SH3GL2: variants seen among roughly 807,000 people sequenced by gnomAD.
SH3GL2 encodes the protein SH3 domain containing GRB2 like 2, endophilin A1, also known as endophilin-A1.
In SH3GL2, 24 loss-of-function variants were observed where a neutral mutation model predicts 46.0. That is an observed-to-expected ratio of 0.52 (90% confidence interval 0.38 to 0.73). The LOEUF is 0.73. Ranked by LOEUF, SH3GL2 falls within the 30% of genes least tolerant of loss-of-function variation. SH3GL2 has a pLI of 0.00. For synonymous variants in SH3GL2, 196 were observed against 147.1 expected (o/e 1.33, Z -2.40); for missense variants, 413 against 424.2 (o/e 0.97, Z 0.23).
At chr9:17,775,999 T>G (rs1823631902) in intron 3 of SH3GL2, among the ~76,000 whole-genome samples, 1 of 152,182 alleles carries the variant, frequency 6.6e-6, no homozygotes, top group Admixed American at 6.6e-5. Context: ...TTAAATCAGG[T>G]TGTAATTTTT....
At chr9:17,582,022 C>T (rs1329696793) in intron 1 of SH3GL2, among the ~76,000 whole-genome samples, 2 of 152,128 alleles carry the variant, frequency 1.3e-5, no homozygotes, top group African/African-American at 4.8e-5. Context: ...TTCACGCAAA[C>T]GTTTCTTTCT....
chr9:17,776,501 G>C (rs1365864299), intron 3 of SH3GL2, among the ~76,000 whole-genome samples: 1 of 152,018 alleles, frequency 6.6e-6, no homozygotes, highest in Non-Finnish European at 1.5e-5. Context: ...ACAACCTCAA[G>C]TCTGTCCTAT....
At chr9:17,739,730 C>T (rs973387750) in intron 1 of SH3GL2, among the ~76,000 whole-genome samples, 5 of 152,140 alleles carry the variant, frequency 3.3e-5, no homozygotes, top group Admixed American at 6.5e-5. Flanking sequence ...ACCATCTTTC[C>T]AGGAAGGAGC....
intron 1 of SH3GL2, among the ~76,000 whole-genome samples, chr9:17,615,707 A>G (rs1818978024): frequency 6.8e-6 from 1 of 146,850 alleles, no homozygotes; most frequent in Admixed American, 6.8e-5. Context: ...ATATGTGTTT[A>G]TTGTTAAAAA....
chr9:17,614,295 G>GAAAAAAAAAAAAAAAA (rs3084628), intron 1 of SH3GL2, among the ~76,000 whole-genome samples: 2 of 70,300 alleles, frequency 2.8e-5, no homozygotes, highest in African/African-American at 5.8e-5. Context: ...CATGGTTTCT[G>GAAAAAAAAAAAAAAAA]AAAAAAAAAA....
At chr9:17,614,780 A>G (rs77074579) in intron 1 of SH3GL2, among the ~76,000 whole-genome samples, 36,850 of 152,030 alleles carry the variant, frequency 0.24, 5,043 homozygotes, top group South Asian at 0.4. Flanking sequence ...CTTTTCTACC[A>G]AGTGAAGTTT....
intron 1 of SH3GL2, among the ~76,000 whole-genome samples, chr9:17,677,535 T>G (rs1490556135): frequency 1.3e-5 from 2 of 152,124 alleles, no homozygotes; most frequent in Non-Finnish European, 2.9e-5. Flanking sequence ...AATCTCTTTT[T>G]TTAAACTCAT....
intron 1 of SH3GL2, among the ~76,000 whole-genome samples, chr9:17,660,862 G>C (rs1046536031): frequency 3.9e-5 from 6 of 152,100 alleles, no homozygotes; most frequent in Non-Finnish European, 2.9e-5. Context: ...TTACAAAGTG[G>C]CTTAAAATTA....
At chr9:17,652,739 A>T (rs533296469) in intron 1 of SH3GL2, among the ~76,000 whole-genome samples, 42 of 152,320 alleles carry the variant, frequency 2.8e-4, no homozygotes, top group African/African-American at 8.9e-4. Context: ...CAGATTACAG[A>T]TGCTCAACCT....
chr9:17,642,151 T>C (rs1193340053), intron 1 of SH3GL2, among the ~76,000 whole-genome samples: 1 of 152,222 alleles, frequency 6.6e-6, no homozygotes, highest in Non-Finnish European at 1.5e-5. Flanking sequence ...GCTGCATAAA[T>C]GGCTTCTCTT....
At chr9:17,687,217 G>T (rs772876271) in intron 1 of SH3GL2, among the ~76,000 whole-genome samples, 6 of 151,924 alleles carry the variant, frequency 3.9e-5, no homozygotes, top group Non-Finnish European at 8.8e-5. Context: ...TAAATTTTGA[G>T]TTTTTTTCAA....
intron 1 of SH3GL2, among the ~76,000 whole-genome samples, chr9:17,682,348 G>C (rs1235267292): frequency 6.6e-6 from 1 of 152,166 alleles, no homozygotes; most frequent in Non-Finnish European, 1.5e-5. Flanking sequence ...AGCAAATGTG[G>C]TACATGTACA....
intron 3 of SH3GL2, among the ~76,000 whole-genome samples, chr9:17,765,475 G>T (rs1008767589): frequency 2.0e-5 from 3 of 152,198 alleles, no homozygotes; most frequent in Non-Finnish European, 4.4e-5. Flanking sequence ...GCTCTGTGAA[G>T]GTCCTACATC....
At chr9:17,695,058 G>A (rs1270550385) in intron 1 of SH3GL2, among the ~76,000 whole-genome samples, 3 of 151,980 alleles carry the variant, frequency 2.0e-5, no homozygotes, top group African/African-American at 7.2e-5. Context: ...AGGGGAAAGA[G>A]GCACTGCAAA....
intron 3 of SH3GL2, among the ~76,000 whole-genome samples, chr9:17,768,310 G>T (rs1823374079): frequency 6.8e-6 from 1 of 147,280 alleles, no homozygotes; most frequent in Non-Finnish European, 1.5e-5. Flanking sequence ...GGCGGAGCTT[G>T]CAGTGAGCCA....
At chr9:17,763,326 T>A (rs1167158234) in intron 3 of SH3GL2, among the ~76,000 whole-genome samples, 1 of 152,146 alleles carries the variant, frequency 6.6e-6, no homozygotes, top group Admixed American at 6.6e-5. Flanking sequence ...TTATAAGGAA[T>A]GTGACCTTAT....
chr9:17,602,637 A>G (rs1323441554), intron 1 of SH3GL2, among the ~76,000 whole-genome samples: 3 of 152,304 alleles, frequency 2.0e-5, no homozygotes, highest in East Asian at 1.9e-4. Context: ...TTGATTTGCA[A>G]AAGAAGGATT....
intron 1 of SH3GL2, among the ~76,000 whole-genome samples, chr9:17,687,661 A>T (rs1386860666): frequency 2.0e-5 from 3 of 152,136 alleles, no homozygotes; most frequent in Non-Finnish European, 4.4e-5. Flanking sequence ...CATGTTCCCT[A>T]TAGAAAATAA....
chr9:17,670,206 G>C (rs888876094), intron 1 of SH3GL2, among the ~76,000 whole-genome samples: 1 of 152,126 alleles, frequency 6.6e-6, no homozygotes, highest in African/African-American at 2.4e-5. Flanking sequence ...CCTGGCCCCA[G>C]CTAGCCCTTT....
Sources: gnomAD v4.1 joint callset for allele counts (sites outside exome capture counted in the v4.1 genomes callset) on GRCh38, gnomAD v4.1.1 for gene constraint, MANE v1.5 for transcripts, NCBI Gene and HGNC (gene_info 2026-07-23, HGNC 2026-07-21) for gene names.